Variants in APAF1 observed in about 807,000 individuals in gnomAD.
The protein encoded by APAF1 is apoptotic peptidase activating factor 1, also known as apoptotic protease-activating factor 1.
Under a neutral mutation model 152.4 loss-of-function variants are expected in APAF1, and 91 were observed. The ratio of observed to expected loss-of-function variants is 0.60; its 90% CI spans 0.50 to 0.71. The LOEUF (loss-of-function observed/expected upper bound fraction) is 0.71. APAF1 is among the 30% of genes least tolerant of loss of function. The pLI is 0.00. For synonymous variants in APAF1, 484 were observed against 494.1 expected, an observed-to-expected ratio of 0.98 and a Z score of 0.27; for missense variants, 1,283 against 1,472.0, an observed-to-expected ratio of 0.87 and a Z score of 2.10.
chr12:98,667,739 AT>A, intron 10 of APAF1, 95 bp downstream of exon 10: 1 of 1,006,708 alleles, frequency 9.9e-7, no homozygotes, highest in Non-Finnish European at 1.4e-6. Flanking sequence ...TTTGTCTTGA[AT>A]TTTGTTCATA....
chr12:98,653,686 A>ATATATATAT (rs2097652165), intron 4 of APAF1, among the ~76,000 whole-genome samples: 1 of 66,226 alleles, frequency 1.5e-5, no homozygotes. Context: ...AAAAAAAAAA[A>ATATATATAT]AAAAAATATA....
intron 4 of APAF1, among the ~76,000 whole-genome samples, chr12:98,653,195 T>G (rs138067541): frequency 6.6e-6 from 1 of 152,322 alleles, no homozygotes; most frequent in East Asian, 1.9e-4. Flanking sequence ...TGGAGTTCAC[T>G]TCCATTCTCA....
chr12:98,648,287 G>A, intron 1 of APAF1, 32 bp from the exon 2 acceptor site: 1 of 1,514,396 alleles, frequency 6.6e-7, no homozygotes, highest in Non-Finnish European at 9.2e-7. Context: ...ATTTTTATTG[G>A]CCTGACAAAT....
At chr12:98,727,949 AAAAT>A (rs1217848926) in intron 26 of APAF1, among the ~76,000 whole-genome samples, 25 of 149,540 alleles carry the variant, frequency 1.7e-4, no homozygotes, top group African/African-American at 5.6e-4. Context: ...CTCAAAAAAG[AAAAT>A]AAATAAATAA....
At chr12:98,664,293 A>G (rs2097669434) in intron 7 of APAF1, among the ~76,000 whole-genome samples, 2 of 152,204 alleles carry the variant, frequency 1.3e-5, no homozygotes, top group Non-Finnish European at 2.9e-5. Flanking sequence ...CTGGGATTAC[A>G]GGCGTGAGCC....
intron 22 of APAF1, among the ~76,000 whole-genome samples, chr12:98,720,732 G>C (rs1416685037): frequency 6.6e-6 from 1 of 152,126 alleles, no homozygotes; most frequent in Non-Finnish European, 1.5e-5. Context: ...TTGGGAGGCC[G>C]AGGCGGGCGG....
At chr12:98,716,625 C>T (rs1171216998) in intron 22 of APAF1, among the ~76,000 whole-genome samples, 1 of 152,130 alleles carries the variant, frequency 6.6e-6, no homozygotes, top group East Asian at 1.9e-4. Flanking sequence ...CTTGAAATTT[C>T]CTGATGATAC....
At position 98,683,139 on chromosome 12, in the gene APAF1, T is replaced by C; in HGVS notation, c.2047-4T>C. On this transcript the variant is annotated splice_polypyrimidine_tract_variant and splice_region_variant and intron_variant, in intron 14 of 26. Coordinates refer to ENST00000551964, the MANE Select transcript of APAF1 (RefSeq NM_181861.2). ...TTTGTAAATTTTTTCTCTTTTCTCT[T>C]TAGATTTGGAATTCTATGACTGGGG... 1 of 1,612,034 alleles carries C rather than the reference T, an allele frequency of 6.2e-7. No homozygotes were observed. Among genetic ancestry groups the C allele is most frequent in the Non-Finnish European group, 8.5e-7 (1 of 1,178,680 alleles).
intron 16 of APAF1, among the ~76,000 whole-genome samples, chr12:98,688,001 G>A (rs553800380): frequency 2.6e-5 from 4 of 152,066 alleles, no homozygotes; most frequent in East Asian, 1.9e-4. Context: ...TAGTAGAGAC[G>A]GAGTTTCACC....
chr12:98,681,149 C>G (rs2097691837), intron 14 of APAF1, among the ~76,000 whole-genome samples: 1 of 152,178 alleles, frequency 6.6e-6, no homozygotes, highest in South Asian at 2.1e-4. Flanking sequence ...GCAATCTCTG[C>G]CTCCAGGATT....
At chr12:98,699,283 C>T (rs1216453609) in intron 16 of APAF1, 125 bp from the exon 17 acceptor site, 1 of 943,614 alleles carries the variant, frequency 1.1e-6, no homozygotes, top group Non-Finnish European at 1.6e-6. Flanking sequence ...AAAAGTCATG[C>T]ATAGGTAAAA....
chr12:98,683,062 A>G (rs992690561), intron 14 of APAF1, 81 bp from the exon 15 acceptor site: 1 of 1,119,310 alleles, frequency 8.9e-7, no homozygotes, highest in African/African-American at 1.6e-5. Flanking sequence ...AGCATTTGCA[A>G]AGCAATGGAC....
intron 23 of APAF1, 47 bp from the exon 24 acceptor site, chr12:98,723,592 T>C: frequency 6.6e-7 from 1 of 1,510,454 alleles, no homozygotes; most frequent in Non-Finnish European, 9.0e-7. Flanking sequence ...TAATATAAAA[T>C]GTTCTTAAAA....
In APAF1 at chr12:98,699,508, A is replaced by G; in HGVS notation, c.2405A>G (p.Lys802Arg). The stretch of plus-strand genomic sequence containing the variant: ...CAAGAGGATATGGAAGTGATAGTGA[A>G]GTGTTGTTCGTGGTCTGCTGATGGT... ...DPQEDMEVIV[K>R]CCSWSADGAR... Residue 802 changes from lysine to arginine, a missense_variant, in exon 17 of 27, where the codon AAG (lysine) becomes AGG (arginine). Lys to Arg is a conservative substitution (Grantham distance 26, BLOSUM62 2). Transcript: ENST00000551964. 1 of 1,614,186 alleles carries G rather than the reference A, an allele frequency of 6.2e-7. No individual in the cohort carries two copies. The highest frequency in any genetic ancestry group is 8.5e-7 in the Non-Finnish European group (1 of 1,180,024).
At chr12:98,663,336 C>G (rs1482647873) in intron 7 of APAF1, among the ~76,000 whole-genome samples, 2 of 152,022 alleles carry the variant, frequency 1.3e-5, no homozygotes, top group Non-Finnish European at 2.9e-5. Flanking sequence ...AAACTATTAG[C>G]TCTTTGTCAT....
rs773195005 is a variant in APAF1 at position 98,648,607 on chromosome 12, A to T, written c.139-19A>T. 3 of 1,612,644 alleles carry T rather than the reference A, an allele frequency of 1.9e-6. No individual in the cohort carries two copies. Among genetic ancestry groups the T allele is most frequent in the Non-Finnish European group, 1.7e-6 (2 of 1,179,454 alleles). ...ATACATATTCATTGTTGTATACTAA[A>T]CTACTTAATTTTTTTTAGCCCACTC... On this transcript the variant is annotated intron_variant, in intron 2 of 26. Transcript: ENST00000551964.
chr12:98,680,795 A>G (rs1224875492), intron 14 of APAF1, among the ~76,000 whole-genome samples: 1 of 152,226 alleles, frequency 6.6e-6, no homozygotes, highest in Non-Finnish European at 1.5e-5. Flanking sequence ...GGGGAAAAGC[A>G]ATGACAAATT....
chr12:98,729,123 G>A lies in APAF1; in HGVS notation c.3600+1807G>A, dbSNP rs117770849. ...AGGTGGAAGCACAAAGGAGAGGAGTGACCAGACCAACCTCAGAGAGTTAGC... is the reference window on the plus strand; with the variant it reads ...AGGTGGAAGCACAAAGGAGAGGAGTAACCAGACCAACCTCAGAGAGTTAGC... On this transcript the variant is annotated intron_variant, in intron 26 of 26. Transcript: ENST00000551964. Among the ~76,000 whole-genome samples the A allele has an allele frequency of 1.8e-4, 27 of 152,298 alleles. No homozygotes were observed. In the East Asian group the frequency reaches 4.8e-3, roughly 27 times the overall value.
chr12:98,674,267 C>T (rs2097684121), intron 12 of APAF1, among the ~76,000 whole-genome samples: 2 of 152,186 alleles, frequency 1.3e-5, no homozygotes, highest in South Asian at 4.1e-4. Context: ...TCTTGGATTA[C>T]AGGCATGAGC....
Sources: gnomAD v4.1 joint callset for allele counts (sites outside exome capture counted in the v4.1 genomes callset) on GRCh38, gnomAD v4.1.1 for gene constraint, MANE v1.5 for transcripts, NCBI Gene and HGNC (gene_info 2026-07-23, HGNC 2026-07-21) for gene names.